The following MEAF6 variants were observed in gnomAD, a reference collection of about 807,000 sequenced individuals.
MEAF6 encodes MYST/Esa1 associated factor 6.
Under a neutral mutation model 28.9 loss-of-function variants are expected in MEAF6, and 15 were observed. The observed-to-expected ratio is 0.52, with a 90% CI of 0.35 to 0.80. The LOEUF is 0.80. Ranked by LOEUF, MEAF6 falls within the 30% of genes least tolerant of loss-of-function variation. The pLI, the probability that MEAF6 is intolerant of heterozygous loss-of-function variation, is 0.01. For synonymous variants in MEAF6, 97 were observed against 88.7 expected (o/e 1.09, Z -0.53); for missense variants, 178 against 237.5 (o/e 0.75, Z 1.65).
Position 37,511,135 on chromosome 1 carries a change from GAGGAATGGCTGATACC to G in MEAF6, c.207-1609_207-1594del, listed in dbSNP as rs544608582. ...TTAAAGAAAGAACCAGGGTTCCTTAGAGGAATGGCTGATACCAGGTCTGGGACAAAAAATGCAAAAG... is the reference window on the plus strand; with the variant it reads ...TTAAAGAAAGAACCAGGGTTCCTTAGAGGTCTGGGACAAAAAATGCAAAAG... On this transcript the variant is annotated intron_variant, in intron 2 of 6. Coordinates refer to ENST00000296214, the MANE Select transcript of MEAF6 (RefSeq NM_001270875.3). 1.1e-3 allele frequency among the ~76,000 whole-genome samples: 162 copies of G among 152,348 alleles called. 1 individual carries two copies. The highest frequency in any genetic ancestry group is 3.4e-3 in the African/African-American group (142 of 41,582).
chr1:37,497,774 T>G (rs1642169297), intron 5 of MEAF6, among the ~76,000 whole-genome samples: 1 of 152,010 alleles, frequency 6.6e-6, no homozygotes, highest in Admixed American at 6.6e-5. Flanking sequence ...GTATTTTTAG[T>G]AGAGACAGGG....
rs1641880888 is a variant in MEAF6, at chr1:37,490,181, C to A, written c.*3918G>T. 6.6e-6 allele frequency among the ~76,000 whole-genome samples: 1 copy of A among 151,864 alleles called. No homozygotes were observed. The highest frequency in any genetic ancestry group is 2.4e-5 in the African/African-American group (1 of 41,294). On this transcript the variant is annotated 3_prime_UTR_variant, in exon 7 of 7. Coordinates refer to ENST00000296214, the MANE Select transcript of MEAF6 (RefSeq NM_001270875.3). ...CCCCCACCCAGCCATCCTGTGTGCCCTCTTCCCCTTGGAGGCCACTGCCCT... is the reference window on the plus strand; with the variant it reads ...CCCCCACCCAGCCATCCTGTGTGCCATCTTCCCCTTGGAGGCCACTGCCCT...
intron 4 of MEAF6, among the ~76,000 whole-genome samples, chr1:37,505,646 C>T (rs996649464): frequency 6.6e-6 from 1 of 152,128 alleles, no homozygotes; most frequent in African/African-American, 2.4e-5. Context: ...CCAATACTGC[C>T]CTTCTGATGT....
At chr1:37,498,944 G>A (rs1443559931) in intron 5 of MEAF6, among the ~76,000 whole-genome samples, 3 of 152,002 alleles carry the variant, frequency 2.0e-5, no homozygotes, top group African/African-American at 7.3e-5. Context: ...AAGCCTAGGA[G>A]TTCAAGACCA....
Position 37,493,749 on chromosome 1 carries a change from A to T in MEAF6, c.*350T>A. The stretch of plus-strand genomic sequence containing the variant: ...TACTTTCAGCATAAAACAAAACCAG[A>T]GAACATTTCTTGAAGGGTATCACAG... On this transcript the variant is annotated 3_prime_UTR_variant, in exon 7 of 7. Coordinates refer to ENST00000296214, the MANE Select transcript of MEAF6 (RefSeq NM_001270875.3). 1 of 1,539,424 alleles carries T rather than the reference A, an allele frequency of 6.5e-7. No individual in the cohort carries two copies. The highest frequency in any genetic ancestry group is 2.0e-5 in the Admixed American group (1 of 50,602).
intron 4 of MEAF6, among the ~76,000 whole-genome samples, chr1:37,504,798 T>TACACAC (rs1369558795): frequency 9.0e-6 from 1 of 110,514 alleles, no homozygotes; most frequent in African/African-American, 3.2e-5. Flanking sequence ...AAAAAATTTA[T>TACACAC]ATACACACAC....
chr1:37,509,387 G>T, intron 3 of MEAF6, 64 bp from the exon 4 acceptor site: 3 of 1,606,852 alleles, frequency 1.9e-6, no homozygotes, highest in Non-Finnish European at 2.6e-6. Flanking sequence ...ACTCCCAGAG[G>T]AAGGTAAAGA....
At chr1:37,512,746 G>A (rs1023071559) in intron 2 of MEAF6, among the ~76,000 whole-genome samples, 1 of 152,126 alleles carries the variant, frequency 6.6e-6, no homozygotes. Context: ...TTTTTAATTA[G>A]TCAGGTACAG....
chr1:37,505,920 T>C (rs1166103142), intron 4 of MEAF6, among the ~76,000 whole-genome samples: 2 of 152,126 alleles, frequency 1.3e-5, no homozygotes, highest in Non-Finnish European at 2.9e-5. Context: ...TCTCACAACA[T>C]ACACAAAAAT....
Position 37,491,193 on chromosome 1 carries a change from A to G in MEAF6, c.*2906T>C, listed in dbSNP as rs991576542. Among the ~76,000 whole-genome samples the G allele has an allele frequency of 6.6e-6, 1 of 152,080 alleles. No individual in the cohort carries two copies. Among genetic ancestry groups the G allele is most frequent in the Non-Finnish European group, 1.5e-5 (1 of 68,000 alleles). On this transcript the variant is annotated 3_prime_UTR_variant, in exon 7 of 7. Transcript: ENST00000296214. ...TCATTTTAATTATCTTCTTTACTGCACAGGTCAAGATGTCAAGAATACTCT... is the reference window on the plus strand; with the variant it reads ...TCATTTTAATTATCTTCTTTACTGCGCAGGTCAAGATGTCAAGAATACTCT...
intron 5 of MEAF6, chr1:37,500,948 G>A (rs897176879): frequency 6.5e-6 from 1 of 154,164 alleles, no homozygotes; most frequent in Admixed American, 6.5e-5. Context: ...ACTTCTAGGA[G>A]GCATGGAAAC....
chr1:37,507,139 G>T (rs770063810), intron 4 of MEAF6, among the ~76,000 whole-genome samples: 2 of 152,100 alleles, frequency 1.3e-5, no homozygotes, highest in African/African-American at 4.8e-5. Context: ...GGCCAACATT[G>T]TGAGACCCCA....
rs1321790480 is a variant in MEAF6, at chr1:37,490,155, A to C, written c.*3944T>G. 3.5e-5 allele frequency among the ~76,000 whole-genome samples: 5 copies of C among 143,630 alleles called. No individual in the cohort carries two copies. The highest frequency in any genetic ancestry group is 7.9e-5 in the African/African-American group (3 of 38,172). The allele number at this position is 143,630 out of a possible 152,430, so 94.2% of individuals were successfully genotyped here. A position where few individuals can be genotyped will look rare whatever the true frequency, so the allele number is the denominator to read the frequency against. ...ATCAAAGGCCTAATCTTTTCTTCCCACCCCCACCCAGCCATCCTGTGTGCC... is the reference window on the plus strand; with the variant it reads ...ATCAAAGGCCTAATCTTTTCTTCCCCCCCCCACCCAGCCATCCTGTGTGCC... On this transcript the variant is annotated 3_prime_UTR_variant, in exon 7 of 7. Transcript: ENST00000296214.
Position 37,490,942 on chromosome 1 carries a change from G to C in MEAF6, c.*3157C>G, listed in dbSNP as rs1355778892. Reference sequence around the variant, plus strand: ...CTCGAGAGGCTGAGGCGGAATAATTGCTTGAACCCTGGAGGCGGAGGTAGC... The same window carrying C: ...CTCGAGAGGCTGAGGCGGAATAATTCCTTGAACCCTGGAGGCGGAGGTAGC... On this transcript the variant is annotated 3_prime_UTR_variant, in exon 7 of 7. Transcript: ENST00000296214. Among the ~76,000 whole-genome samples the C allele has an allele frequency of 6.6e-6, 1 of 152,122 alleles. No individual in the cohort carries two copies. The highest frequency in any genetic ancestry group is 1.5e-5 in the Non-Finnish European group (1 of 68,036).
In MEAF6 at chr1:37,514,659, C is replaced by T; in HGVS notation, c.88G>A (p.Ala30Thr). ...CAACCCCTGTCCTAGCCCCTCACCG[C>T]CAGCTCCTGCTTCCGCTTCACGAGC... ...AELVKRKQEL[A>T]ETLANLERQI... Residue 30 changes from alanine to threonine, a missense_variant and splice_region_variant, in exon 1 of 7, where the codon GCG becomes ACG. Physicochemically the swap from Ala to Thr is moderately conservative, Grantham distance 58. Around this residue, in one of 2 missense-constraint regions of MEAF6, gnomAD observed 124 missense variants for 200.5 expected, o/e 0.62. Coordinates refer to ENST00000296214, the MANE Select transcript of MEAF6 (RefSeq NM_001270875.3). The T allele has an allele frequency of 6.5e-7, 1 of 1,537,784 alleles. No homozygotes were observed. The highest frequency in any genetic ancestry group is 1.2e-5 in the South Asian group (1 of 84,472).
At position 37,493,531 on chromosome 1, in the gene MEAF6, G is replaced by C; in HGVS notation, c.*568C>G. On this transcript the variant is annotated 3_prime_UTR_variant, in exon 7 of 7. Coordinates refer to ENST00000296214, the MANE Select transcript of MEAF6 (RefSeq NM_001270875.3). ...CTTATGATAAACCAGATTATTTTCA[G>C]TTATGAATATTGGCAACTGCATGAA... 1 of 515,940 alleles carries C rather than the reference G, an allele frequency of 1.9e-6. No homozygotes were observed. The allele number at this position is 515,940 out of a possible 1,614,324, so 32.0% of individuals were successfully genotyped here.
chr1:37,504,017 C>T (rs2148075308), intron 4 of MEAF6, among the ~76,000 whole-genome samples: 1 of 152,294 alleles, frequency 6.6e-6, no homozygotes, highest in African/African-American at 2.4e-5. Flanking sequence ...TAAATCTCAA[C>T]TCGAATTGTA....
chr1:37,513,751 T>C (rs1010699241), intron 1 of MEAF6: 1 of 582,366 alleles, frequency 1.7e-6, no homozygotes, highest in Admixed American at 3.0e-5. Context: ...GTATAAAGCA[T>C]GTCTCCAGAA....
intron 6 of MEAF6, among the ~76,000 whole-genome samples, chr1:37,494,316 C>G (rs1436099492): frequency 1.3e-5 from 2 of 151,652 alleles, no homozygotes; most frequent in Admixed American, 6.6e-5. Flanking sequence ...GAGTTCGAGA[C>G]CAGCCTGGCC....
Sources: allele counts gnomAD v4.1 joint callset (sites outside exome capture counted in the v4.1 genomes callset), GRCh38; gene constraint gnomAD v4.1.1; regional missense constraint gnomAD v4.1.1; transcripts MANE v1.5; gene names NCBI Gene and HGNC (gene_info 2026-07-23, HGNC 2026-07-21).